CASKIN2: variants seen among roughly 807,000 people sequenced by gnomAD.
The protein encoded by CASKIN2 is caskin-2.
CASKIN2 carries 41 observed loss-of-function variants against 107.1 expected under a neutral mutation model. The ratio of observed to expected loss-of-function variants is 0.38; its 90% CI spans 0.30 to 0.50. The LOEUF (loss-of-function observed/expected upper bound fraction) is 0.50. CASKIN2 is among the 20% of genes least tolerant of loss of function. The probability of loss-of-function intolerance (pLI) is 0.92; values close to 1 mark genes in which losing one functional copy is unlikely to be tolerated. For synonymous variants in CASKIN2, 724 were observed against 705.6 expected (o/e 1.03, Z -0.41); for missense variants, 1,546 against 1,657.4 (o/e 0.93, Z 1.17).
chr17:75,506,653 C>A lies in CASKIN2; in HGVS notation c.547G>T (p.Asp183Tyr). The change falls in exon 7 of 20, where the codon GAC becomes TAC. Residue 183 changes from aspartate to tyrosine, a missense_variant. Asp to Tyr is a radical substitution (Grantham distance 160, BLOSUM62 -3). Around this residue, in one of 6 missense-constraint regions of CASKIN2, gnomAD observed 31 missense variants for 28.7 expected, o/e 1.08. Coordinates refer to ENST00000321617, the MANE Select transcript of CASKIN2 (RefSeq NM_020753.5). This position sits in a 1 kb window ranked among gnomAD's most constrained non-coding sequence, Gnocchi z 4.8. ...CVALLEGEAK[D>Y]PCDPNYTTPL... ...GTGGTGTAGTTGGGGTCACACGGGT[C>A]TTTGGCCTCACCCTCCAGCAGTGCC... 6.2e-7 allele frequency: 1 copy of A among 1,613,362 alleles called. No individual in the cohort carries two copies. The highest frequency in any genetic ancestry group is 8.5e-7 in the Non-Finnish European group (1 of 1,179,976).
intron 1 of CASKIN2, 104 bp from the exon 2 acceptor site, chr17:75,514,312 CA>C (rs2053338399): frequency 2.5e-6 from 1 of 399,958 alleles, no homozygotes; most frequent in Non-Finnish European, 4.4e-6. Context: ...AGGGAGCCCC[CA>C]AGCCACCCTG....
chr17:75,503,833 T>A lies in CASKIN2; in HGVS notation c.1578+19A>T. ...CCTCCCCCGCCCGCTGGGTGCTGCT[T>A]CCCGGCTGCAGCACCCACCTCAGGT... On this transcript the variant is annotated intron_variant, in intron 15 of 19. Transcript: ENST00000321617. The A allele has an allele frequency of 6.2e-7, 1 of 1,611,126 alleles. No homozygotes were observed.
At position 75,503,666 on chromosome 17, in the gene CASKIN2, T is replaced by C. The variant is rs777517113; in HGVS notation, c.1673A>G (p.Tyr558Cys). ...CCACCCTTGATGGCTCACTGGGATG[T>C]AGCTGGGCAGCCACTCGGCGATGCT... is the stretch of plus-strand genomic sequence containing the variant. ...QLSIAEWLPS[Y>C]IPTDLLEWLC... is the part of the protein sequence containing the mutation. The change falls in exon 16 of 20, where the codon TAC becomes TGC. Residue 558 changes from tyrosine (Y) to cysteine (C), a missense_variant. Physicochemically the swap from Tyr to Cys is radical, Grantham distance 194. Coordinates refer to ENST00000321617, the MANE Select transcript of CASKIN2 (RefSeq NM_020753.5). The C allele has an allele frequency of 6.2e-7, 1 of 1,611,714 alleles. No individual in the cohort carries two copies. Among genetic ancestry groups the C allele is most frequent in the East Asian group, 2.2e-5 (1 of 44,878 alleles).
At position 75,500,838 on chromosome 17, in the gene CASKIN2, C is replaced by G. The variant is rs2053169745; in HGVS notation, c.*242G>C. The G allele has an allele frequency of 1.9e-6, 1 of 519,286 alleles. No homozygotes were observed. Among genetic ancestry groups the G allele is most frequent in the Admixed American group, 3.3e-5 (1 of 30,714 alleles). The allele number at this position is 519,286 out of a possible 1,614,324, so 32.2% of individuals were successfully genotyped here. A position where few individuals can be genotyped will look rare whatever the true frequency, so the allele number is the denominator to read the frequency against. On this transcript the variant is annotated 3_prime_UTR_variant, in exon 20 of 20. Coordinates refer to ENST00000321617, the MANE Select transcript of CASKIN2 (RefSeq NM_020753.5). ...AGCAGGGCTGTCCTGCTCAATCGATCAAACCCTGGGAGGGGCTTTGCTGAG... is the reference window on the plus strand; with the variant it reads ...AGCAGGGCTGTCCTGCTCAATCGATGAAACCCTGGGAGGGGCTTTGCTGAG...
Position 75,506,018 on chromosome 17 carries a change from A to G in CASKIN2, c.727-89T>C. On this transcript the variant is annotated intron_variant, in intron 8 of 19. Coordinates refer to ENST00000321617, the MANE Select transcript of CASKIN2 (RefSeq NM_020753.5). This position sits in a 1 kb window ranked among gnomAD's most constrained non-coding sequence, Gnocchi z 4.8. ...AGCTACCCGGGACATAGGTACTATT[A>G]CCATTTTCCGATTTTACAGATGAGG... is the stretch of plus-strand genomic sequence containing the variant. 1 of 1,177,374 alleles carries G rather than the reference A, an allele frequency of 8.5e-7. No individual in the cohort carries two copies. The allele number at this position is 1,177,374 out of a possible 1,614,324, so 72.9% of individuals were successfully genotyped here.
At position 75,503,055 on chromosome 17, in the gene CASKIN2, G is replaced by A; in HGVS notation, c.2019C>T (p.Ser673=). 10 of 1,606,928 alleles carry A rather than the reference G, an allele frequency of 6.2e-6. No individual in the cohort carries two copies. Among genetic ancestry groups the A allele is most frequent in the Non-Finnish European group, 8.5e-6 (10 of 1,178,696 alleles). Residue 673 remains serine, a synonymous_variant, in exon 18 of 20, where the codon AGC becomes AGT. Coordinates refer to ENST00000321617, the MANE Select transcript of CASKIN2 (RefSeq NM_020753.5). The part of the protein sequence containing the change: ...RLLTFQGSEL[S]PELQAAMAGG... ...CTGCCATGGCCGCCTGTAGCTCTGG[G>A]CTTAGTTCGCTGCCCTGGAAGGTGA...
intron 2 of CASKIN2, among the ~76,000 whole-genome samples, chr17:75,511,720 C>A (rs2053317411): frequency 6.6e-6 from 1 of 152,182 alleles, no homozygotes; most frequent in Non-Finnish European, 1.5e-5. Context: ...AGGGTGAATT[C>A]TCCACTTTGG....
At chr17:75,513,583 T>C (rs1598471069) in intron 2 of CASKIN2, 128 bp downstream of exon 2, 2 of 788,756 alleles carry the variant, frequency 2.5e-6, no homozygotes, top group East Asian at 5.3e-5. Context: ...ACAGAGGCAC[T>C]TCTTACTGAG....
At position 75,501,700 on chromosome 17, in the gene CASKIN2, C is replaced by A; in HGVS notation, c.3296-10G>T. 6.5e-7 allele frequency: 1 copy of A among 1,548,342 alleles called. No homozygotes were observed. Among genetic ancestry groups the A allele is most frequent in the South Asian group, 1.2e-5 (1 of 83,130 alleles). ...GGCTTGGGGGCTGTTCCTGCAGAGACAAAAAGGTTGGCTTGGGACTTGGCT... is the reference window on the plus strand; with the variant it reads ...GGCTTGGGGGCTGTTCCTGCAGAGAAAAAAAGGTTGGCTTGGGACTTGGCT... On this transcript the variant is annotated splice_polypyrimidine_tract_variant and intron_variant, in intron 18 of 19. Transcript: ENST00000321617.
rs570652849 is a variant in CASKIN2 at position 75,505,070 on chromosome 17, G to A, written c.934C>T (p.Leu312=). The A allele has an allele frequency of 2.3e-4, 290 of 1,267,320 alleles. 5 individuals are homozygous for A. In the South Asian group the frequency reaches 3.1e-3, roughly 13 times the overall value. 78.5% of individuals were successfully genotyped at this position (1,267,320 alleles called of 1,614,324 possible). ...NVRAGDVITV[L]EQHPDGRWKG... The stretch of plus-strand genomic sequence containing the variant: ...CAGCGGCCGTCGGGATGCTGTTCTA[G>A]CACCTGCGGCCAGGGGTGGGGGGCG... The change falls in exon 11 of 20, where the codon CTA becomes TTA. Residue 312 remains leucine (L), a synonymous_variant. Transcript: ENST00000321617. The surrounding 1 kb of genome is among the most constrained non-coding windows in gnomAD (Gnocchi z 5.1).
rs753089701 is a variant in CASKIN2, at chr17:75,501,461, C to A, written c.3518+7G>T. Reference sequence around the variant, plus strand: ...CCTTCTCTCCCTCCCCATCCGGCCCCCCTCACCCCTCTTGCTCCTTGGTGC... The same window carrying A: ...CCTTCTCTCCCTCCCCATCCGGCCCACCTCACCCCTCTTGCTCCTTGGTGC... On this transcript the variant is annotated splice_region_variant and intron_variant, in intron 19 of 19. Coordinates refer to ENST00000321617, the MANE Select transcript of CASKIN2 (RefSeq NM_020753.5). 2 of 1,603,284 alleles carry A rather than the reference C, an allele frequency of 1.2e-6. No homozygotes were observed. The highest frequency in any genetic ancestry group is 3.3e-5 in the Admixed American group (2 of 59,738).
chr17:75,501,082 AGTCCAGCATGGC>A lies in CASKIN2; in HGVS notation c.3595_3606del (p.Ala1199_Asp1202del). The A allele has an allele frequency of 6.4e-7, 1 of 1,570,020 alleles. No homozygotes were observed. Among genetic ancestry groups the A allele is most frequent in the Non-Finnish European group, 8.6e-7 (1 of 1,157,554 alleles). On this transcript the variant is annotated inframe_deletion, in exon 20 of 20. Coordinates refer to ENST00000321617, the MANE Select transcript of CASKIN2 (RefSeq NM_020753.5). ...CACAGTGGGCACTGCTGGAGGGCTC[AGTCCAGCATGGC>A]GTCCAGCTGGTCAGCCAGGGCGTCG...
intron 4 of CASKIN2, 49 bp downstream of exon 4, chr17:75,507,535 G>A (rs759949089): frequency 2.9e-5 from 41 of 1,411,478 alleles, no homozygotes; most frequent in Non-Finnish European, 4.0e-5. Flanking sequence ...GGTCTGGGTA[G>A]GGCCCCTACC....
chr17:75,502,014 G>C lies in CASKIN2; in HGVS notation c.3060C>G (p.Ala1020=). The change falls in exon 18 of 20, where the codon GCC becomes GCG. Residue 1020 remains alanine (A), a synonymous_variant. Coordinates refer to ENST00000321617, the MANE Select transcript of CASKIN2 (RefSeq NM_020753.5). The surrounding 1 kb of genome is among the most constrained non-coding windows in gnomAD (Gnocchi z 4.3). ...GVASATPGPA[A]PLPSPTPGES... ...CGCCAGGAGTTGGGGAAGGCAGTGG[G>C]GCAGCGGGGCCAGGCGTGGCACTGG... The C allele has an allele frequency of 6.2e-7, 1 of 1,612,768 alleles. No individual in the cohort carries two copies.
At chr17:75,508,169 C>T in intron 3 of CASKIN2, 65 bp downstream of exon 3, 5 of 1,565,736 alleles carry the variant, frequency 3.2e-6, no homozygotes, top group Non-Finnish European at 3.5e-6. Flanking sequence ...TCCCTCCAGC[C>T]CCACCCCTGG....
At chr17:75,511,313 G>A (rs1366795193) in intron 2 of CASKIN2, among the ~76,000 whole-genome samples, 3 of 151,878 alleles carry the variant, frequency 2.0e-5, no homozygotes, top group Non-Finnish European at 4.4e-5. Context: ...TGCCCACCTC[G>A]GCCTCCCAAA....
intron 2 of CASKIN2, among the ~76,000 whole-genome samples, chr17:75,510,187 G>C (rs1019664241): frequency 1.3e-5 from 2 of 152,222 alleles, no homozygotes; most frequent in Admixed American, 6.5e-5. Context: ...CAAAGAAGGA[G>C]ATTGTTCAGA....
Position 75,505,249 on chromosome 17 carries a change from C to T in CASKIN2, c.931-176G>A, listed in dbSNP as rs2053252848. 5 of 738,180 alleles carry T rather than the reference C, an allele frequency of 6.8e-6. No individual in the cohort carries two copies. In the East Asian group the frequency reaches 1.3e-4, roughly 20 times the overall value. The allele number at this position is 738,180 out of a possible 1,614,324, so 45.7% of individuals were successfully genotyped here. On this transcript the variant is annotated intron_variant, in intron 10 of 19. Coordinates refer to ENST00000321617, the MANE Select transcript of CASKIN2 (RefSeq NM_020753.5). The surrounding 1 kb of genome is among the most constrained non-coding windows in gnomAD (Gnocchi z 5.1). ...CCGCCCCTGCTGCCAGCAGCCAGCT[C>T]AATCTCCCCTGTGCCTCCAGGGCGA...
At chr17:75,512,468 C>T (rs559104732) in intron 2 of CASKIN2, among the ~76,000 whole-genome samples, 6 of 152,296 alleles carry the variant, frequency 3.9e-5, no homozygotes, top group Admixed American at 1.3e-4. Context: ...CCCCACAGCC[C>T]GGTCAGGTCT....
Sources: allele counts gnomAD v4.1 joint callset (sites outside exome capture counted in the v4.1 genomes callset), GRCh38; gene constraint gnomAD v4.1.1; regional missense constraint gnomAD v4.1.1; non-coding constraint Gnocchi (gnomAD v3.1); transcripts MANE v1.5; gene names NCBI Gene and HGNC (gene_info 2026-07-23, HGNC 2026-07-21).